STAMBP: variants seen among roughly 807,000 people sequenced by gnomAD.
STAMBP encodes the protein STAM-binding protein.
In STAMBP, 31 loss-of-function variants were observed where a neutral mutation model predicts 50.7. The observed-to-expected ratio is 0.61, with a 90% confidence interval of 0.46 to 0.83. STAMBP has a LOEUF of 0.83. STAMBP is among the 40% of genes least tolerant of loss of function. The pLI, the probability that STAMBP is intolerant of heterozygous loss-of-function variation, is 0.00. For synonymous variants in STAMBP, 211 were observed against 192.4 expected, an observed-to-expected ratio of 1.10 and a Z score of -0.80; for missense variants, 472 against 518.9, an observed-to-expected ratio of 0.91 and a Z score of 0.88.
In STAMBP at chr2:73,847,390, A is replaced by G; in HGVS notation, c.379A>G (p.Lys127Glu). ...EYTEYNEEKK[K>E]EAEELARNMA... ...CCTAAATTTTCTCTCTTTGTAGAAG[A>G]AGGAAGCAGAGGAATTGGCCCGGAA... Residue 127 changes from lysine (K) to glutamate (E), a missense_variant, in exon 5 of 10, where the codon AAG (lysine) becomes GAG (glutamate). Physicochemically the swap from Lys to Glu is moderately conservative, Grantham distance 56. Coordinates refer to ENST00000394070, the MANE Select transcript of STAMBP (RefSeq NM_213622.4). 6.3e-7 allele frequency: 1 copy of G among 1,597,424 alleles called. No homozygotes were observed. Among genetic ancestry groups the G allele is most frequent in the Non-Finnish European group, 8.5e-7 (1 of 1,170,580 alleles).
intron 2 of STAMBP, among the ~76,000 whole-genome samples, chr2:73,841,408 T>G (rs576179052): frequency 1.3e-5 from 2 of 152,082 alleles, no homozygotes; most frequent in African/African-American, 2.4e-5. Flanking sequence ...TAGCAAATAT[T>G]GACTATGTTC....
At chr2:73,847,318 A>G (rs1323651664) in intron 4 of STAMBP, 69 bp from the exon 5 acceptor site, 1 of 1,518,412 alleles carries the variant, frequency 6.6e-7, no homozygotes, top group African/African-American at 1.4e-5. Flanking sequence ...CATGCTAAAA[A>G]GCCTTGTTCT....
In STAMBP at chr2:73,864,233, G is replaced by A. The variant is rs554588890; in HGVS notation, c.*1974G>A. 9 of 152,250 alleles carry A rather than the reference G, an allele frequency of 5.9e-5. No individual in the cohort carries two copies. Among genetic ancestry groups the A allele is most frequent in the East Asian group, 1.9e-4 (1 of 5,186 alleles). 9.4% of individuals were successfully genotyped at this position (152,250 alleles called of 1,614,324 possible). On this transcript the variant is annotated 3_prime_UTR_variant, in exon 10 of 10. Coordinates refer to ENST00000394070, the MANE Select transcript of STAMBP (RefSeq NM_213622.4). ...CTAAGAATTGTGAGCTCTCTTATCC[G>A]TCTCTGCCCACCAAAGACATTCAGC...
intron 9 of STAMBP, 22 bp from the exon 10 acceptor site, chr2:73,862,181 C>G (rs578110792): frequency 6.3e-7 from 1 of 1,592,086 alleles, no homozygotes; most frequent in South Asian, 1.2e-5. Context: ...TAGGACTCCA[C>G]CTTTCTTTTT....
At chr2:73,856,041 TA>T (rs1377326489) in intron 7 of STAMBP, among the ~76,000 whole-genome samples, 1 of 152,248 alleles carries the variant, frequency 6.6e-6, no homozygotes. Context: ...AAGATGAACA[TA>T]AGTCATTATA....
chr2:73,855,374 A>G (rs961747299), intron 7 of STAMBP, among the ~76,000 whole-genome samples: 19 of 152,248 alleles, frequency 1.2e-4, no homozygotes, highest in African/African-American at 4.6e-4. Context: ...TATTCATTCA[A>G]GAAACTTGAC....
chr2:73,849,318 G>T (rs1676509523), intron 5 of STAMBP, 45 bp from the exon 6 acceptor site: 1 of 1,611,428 alleles, frequency 6.2e-7, no homozygotes, highest in African/African-American at 1.3e-5. Flanking sequence ...TGCTTGAGGA[G>T]GCAGGGCTCA....
chr2:73,840,542 G>A (rs1224001125), intron 2 of STAMBP, among the ~76,000 whole-genome samples: 1 of 151,740 alleles, frequency 6.6e-6, no homozygotes, highest in Non-Finnish European at 1.5e-5. Flanking sequence ...TCAGGAGTTG[G>A]AGACCAGCCT....
intron 7 of STAMBP, among the ~76,000 whole-genome samples, chr2:73,853,558 C>A (rs1358748673): frequency 6.6e-6 from 1 of 152,098 alleles, no homozygotes; most frequent in Non-Finnish European, 1.5e-5. Flanking sequence ...CCTGTCTCTA[C>A]TAAAAACACA....
chr2:73,858,975 T>A (rs544935555), intron 7 of STAMBP, among the ~76,000 whole-genome samples: 1 of 152,132 alleles, frequency 6.6e-6, no homozygotes, highest in Non-Finnish European at 1.5e-5. Context: ...TATGCTATGT[T>A]TTTTTCCTAT....
In STAMBP at chr2:73,859,286, T is replaced by C. The variant is rs1273599667; in HGVS notation, c.1038T>C (p.Ser346=). ...THPTQTAFLS[S]VDLHTHCSYQ... ...CCACACAGACCGCGTTTCTCTCCAG[T>C]GTCGACCTACACACTCACTGCTCTT... is the stretch of plus-strand genomic sequence containing the variant. Residue 346 remains serine (S), a synonymous_variant, in exon 8 of 10, where the codon AGT becomes AGC. Coordinates refer to ENST00000394070, the MANE Select transcript of STAMBP (RefSeq NM_213622.4). The C allele has an allele frequency of 2.5e-6, 4 of 1,613,702 alleles. No homozygotes were observed. In the Admixed American group the frequency reaches 6.7e-5, roughly 27 times the overall value.
Position 73,873,004 on chromosome 2 carries a change from G to A in STAMBP, c.*46-348G>A, listed in dbSNP as rs185546942. Reference sequence around the variant, plus strand: ...GGTAGAGGGGTTCTGTTTTCCCATAGAAATGATGGAATCTCACTAAAGCAC... The same window carrying A: ...GGTAGAGGGGTTCTGTTTTCCCATAAAAATGATGGAATCTCACTAAAGCAC... On this transcript the variant is annotated intron_variant, in intron 10 of 10. Coordinates refer to the STAMBP transcript ENST00000409707. Among the ~76,000 whole-genome samples the A allele has an allele frequency of 6.3e-3, 956 of 152,290 alleles. 6 individuals carry two copies. Among genetic ancestry groups the A allele is most frequent in the Admixed American group, 0.01 (159 of 15,304 alleles).
At chr2:73,839,945 G>A (rs990454732) in intron 2 of STAMBP, among the ~76,000 whole-genome samples, 1 of 152,192 alleles carries the variant, frequency 6.6e-6, no homozygotes, top group East Asian at 1.9e-4. Flanking sequence ...AACAGTCCCA[G>A]ATTCATGGCT....
chr2:73,831,988 G>C (rs1396489893), intron 2 of STAMBP, among the ~76,000 whole-genome samples: 4 of 151,274 alleles, frequency 2.6e-5, no homozygotes, highest in African/African-American at 9.7e-5. Flanking sequence ...ATTTAGTAAT[G>C]TTCTAGAGTC....
chr2:73,850,274 C>T lies in STAMBP; in HGVS notation c.868-102C>T. Reference sequence around the variant, plus strand: ...CAGGACTCCTGCTGTGTGGGAAGGGCTTTCACTTGTATAGATGCTTACCTT... The same window carrying T: ...CAGGACTCCTGCTGTGTGGGAAGGGTTTTCACTTGTATAGATGCTTACCTT... On this transcript the variant is annotated intron_variant, in intron 6 of 9. Coordinates refer to ENST00000394070, the MANE Select transcript of STAMBP (RefSeq NM_213622.4). The surrounding 1 kb of genome is among the most constrained non-coding windows in gnomAD (Gnocchi z 4.3). The T allele has an allele frequency of 2.1e-6, 3 of 1,442,474 alleles. No individual in the cohort carries two copies. In the South Asian group the frequency reaches 4.3e-5, roughly 21 times the overall value. 89.4% of individuals were successfully genotyped at this position (1,442,474 alleles called of 1,614,324 possible).
At chr2:73,871,711 A>G (rs141314589), downstream of STAMBP, among the ~76,000 whole-genome samples, 54 of 152,224 alleles carry the variant, frequency 3.5e-4, no homozygotes, top group African/African-American at 1.3e-3. Context: ...GGGTTTTTCA[A>G]TGAGGTAGCT....
intron 8 of STAMBP, 147 bp downstream of exon 8, chr2:73,859,513 T>A (rs1340847204): frequency 3.1e-6 from 2 of 640,862 alleles, no homozygotes; most frequent in Non-Finnish European, 5.6e-6. Flanking sequence ...GGCTTCCTTT[T>A]AAGCCCCATA....
chr2:73,832,082 A>T (rs1382848637), intron 2 of STAMBP, among the ~76,000 whole-genome samples: 1 of 85,846 alleles, frequency 1.2e-5, no homozygotes, highest in African/African-American at 5.9e-5. Context: ...TTGAGTAGGT[A>T]ACATATATAT....
At chr2:73,852,915 C>G in intron 7 of STAMBP, among the ~76,000 whole-genome samples, 1 of 81,102 alleles carries the variant, frequency 1.2e-5, no homozygotes. Context: ...CTATGTTGGC[C>G]AGGTGTGTGT....
Sources: allele counts gnomAD v4.1 joint callset (sites outside exome capture counted in the v4.1 genomes callset), GRCh38; gene constraint gnomAD v4.1.1; non-coding constraint Gnocchi (gnomAD v3.1); transcripts MANE v1.5; gene names NCBI Gene and HGNC (gene_info 2026-07-23, HGNC 2026-07-21).